Variants in MYO18B observed in about 807,000 individuals in gnomAD.
MYO18B encodes myosin XVIIIB.
A neutral mutation model predicts 273.0 loss-of-function variants in MYO18B; 204 were observed. The ratio of observed to expected loss-of-function variants is 0.75; its 90% CI spans 0.67 to 0.84. The LOEUF (loss-of-function observed/expected upper bound fraction) is 0.84, where lower values mean the gene tolerates loss of function less well. MYO18B is among the 40% of genes least tolerant of loss of function. MYO18B has a pLI of 0.00. For missense variants in MYO18B, 3,212 were observed against 3,287.6 expected, an observed-to-expected ratio of 0.98 and a Z score of 0.56; for synonymous variants, 1,330 against 1,305.7, an observed-to-expected ratio of 1.02 and a Z score of -0.40.
At chr22:25,875,387 G>A (rs2091162298) in intron 23 of MYO18B, among the ~76,000 whole-genome samples, 1 of 152,256 alleles carries the variant, frequency 6.6e-6, no homozygotes, top group African/African-American at 2.4e-5. Context: ...TGTGTGAGAT[G>A]CTCAGGGCAG....
intron 21 of MYO18B, among the ~76,000 whole-genome samples, chr22:25,854,971 G>T (rs543260535): frequency 6.6e-6 from 1 of 152,164 alleles, no homozygotes; most frequent in African/African-American, 2.4e-5. Flanking sequence ...AAGTTCGGGG[G>T]TACACATGCA....
rs1180910052 is a variant in MYO18B at position 25,780,121 on chromosome 22, C to T, written c.2134C>T (p.Arg712Cys). The T allele has an allele frequency of 6.9e-6, 11 of 1,603,814 alleles. No individual in the cohort carries two copies. The highest frequency in any genetic ancestry group is 1.3e-5 in the African/African-American group (1 of 74,740). Residue 712 changes from arginine (R) to cysteine (C), a missense_variant, in exon 9 of 44, where the codon CGC becomes TGC. Coordinates refer to ENST00000335473, the MANE Select transcript of MYO18B (RefSeq NM_032608.7). ...CGGCTCTGTGTCCATGGCCCACAGC[C>T]GCAGTGCCACCCGGTTCTCCATGGT... ...AFGSVSMAHS[R>C]SATRFSMVMS...
intron 2 of MYO18B, among the ~76,000 whole-genome samples, chr22:25,762,314 G>T (rs1020504132): frequency 6.6e-6 from 1 of 152,206 alleles, no homozygotes; most frequent in African/African-American, 2.4e-5. Flanking sequence ...TCCCTTATCA[G>T]TTGGGCTACA....
Position 25,883,110 on chromosome 22 carries a change from G to A in MYO18B, c.4314+5062G>A, listed in dbSNP as rs763315894. 2.0e-5 allele frequency among the ~76,000 whole-genome samples: 3 copies of A among 152,024 alleles called. No homozygotes were observed. Among genetic ancestry groups the A allele is most frequent in the Non-Finnish European group, 4.4e-5 (3 of 67,992 alleles). Reference sequence around the variant, plus strand: ...ATGGGGGTCTCACTTTGTTGCCCAGGTTGGTCTCCAATTCCTGGGCTCAAG... The same window carrying A: ...ATGGGGGTCTCACTTTGTTGCCCAGATTGGTCTCCAATTCCTGGGCTCAAG... On this transcript the variant is annotated intron_variant, in intron 25 of 43. Coordinates refer to ENST00000335473, the MANE Select transcript of MYO18B (RefSeq NM_032608.7). This position sits in a 1 kb window ranked among gnomAD's most constrained non-coding sequence, Gnocchi z 7.6.
chr22:25,868,515 A>G lies in MYO18B; in HGVS notation c.3951+130A>G, dbSNP rs553503534. The stretch of plus-strand genomic sequence containing the variant: ...TTTTTCCCAAACTGAAGGTAGAGCT[A>G]ATGATTTTCTGCCCTGCCTATCTTA... On this transcript the variant is annotated intron_variant, in intron 22 of 43. Transcript: ENST00000335473. 5 of 734,998 alleles carry G rather than the reference A, an allele frequency of 6.8e-6. No individual in the cohort carries two copies. The East Asian group carries it at 1.4e-4, about 20-fold the overall frequency. 45.5% of individuals were successfully genotyped at this position (734,998 alleles called of 1,614,324 possible). A position where few individuals can be genotyped will look rare whatever the true frequency, so the allele number is the denominator to read the frequency against.
Position 25,771,780 on chromosome 22 carries a change from G to A in MYO18B, c.1693-554G>A, listed in dbSNP as rs943093701. Among the ~76,000 whole-genome samples the A allele has an allele frequency of 3.3e-5, 5 of 152,332 alleles. No homozygotes were observed. In the South Asian group the frequency reaches 6.2e-4, roughly 19 times the overall value. ...CTGAAGCTGGAGAGAATAATAGGAC[G>A]CCTCTTAGAACAGATGTTTTAAGAA... On this transcript the variant is annotated intron_variant, in intron 6 of 43. Transcript: ENST00000335473.
the MYO18B span, among the ~76,000 whole-genome samples, chr22:26,037,283 T>C: frequency 6.6e-6 from 1 of 152,076 alleles, no homozygotes; most frequent in Non-Finnish European, 1.5e-5. Context: ...TCTTCTCGAG[T>C]AATAAGGGGT....
intron 2 of MYO18B, among the ~76,000 whole-genome samples, chr22:25,762,575 G>T (rs914363824): frequency 1.3e-5 from 2 of 152,228 alleles, no homozygotes; most frequent in Non-Finnish European, 2.9e-5. Flanking sequence ...CCGTATTTCT[G>T]GGGGGTAAAA....
intron 34 of MYO18B, among the ~76,000 whole-genome samples, chr22:25,942,258 G>C (rs187995944): frequency 6.6e-6 from 1 of 152,300 alleles, no homozygotes; most frequent in East Asian, 1.9e-4. Flanking sequence ...TGGTAACGTT[G>C]GTTTCCTTCC....
chr22:25,817,355 T>TTCTC (rs937913858), intron 12 of MYO18B, among the ~76,000 whole-genome samples: 1 of 149,862 alleles, frequency 6.7e-6, no homozygotes, highest in Admixed American at 6.7e-5. Flanking sequence ...CTTTCTTTCT[T>TTCTC]TCTCTCTCTC....
intron 11 of MYO18B, 121 bp from the exon 12 acceptor site, chr22:25,797,832 T>G (rs1226129348): frequency 2.1e-6 from 3 of 1,403,442 alleles, no homozygotes; most frequent in Non-Finnish European, 3.0e-6. Flanking sequence ...TTGTGGGTAA[T>G]TTATTGTGGC....
In MYO18B at chr22:25,742,638, C is replaced by T. The variant is rs527306244; in HGVS notation, c.-110+345C>T. On this transcript the variant is annotated intron_variant, in intron 1 of 43. Coordinates refer to ENST00000335473, the MANE Select transcript of MYO18B (RefSeq NM_032608.7). The stretch of plus-strand genomic sequence containing the variant: ...TCCACTGTGAATCTTTGCCCGCAGA[C>T]GTCAGGGTTTATATTTTTCCTCAAC... Among the ~76,000 whole-genome samples the T allele has an allele frequency of 1.6e-4, 24 of 152,282 alleles. No homozygotes were observed. In the South Asian group the frequency reaches 4.4e-3, roughly 28 times the overall value.
At position 25,891,337 on chromosome 22, in the gene MYO18B, G is replaced by A. The variant is rs1398689543; in HGVS notation, c.4468G>A (p.Asp1490Asn). ...TGAACAAGTCCAGAAAAAACTGGGA[G>A]ATGTGAATAAACAGTTGGAAGAAGC... is the stretch of plus-strand genomic sequence containing the variant. ...KHEQVQKKLG[D>N]VNKQLEEAQQ... The change falls in exon 27 of 44, where the codon GAT becomes AAT. Residue 1490 changes from aspartate to asparagine, a missense_variant. Coordinates refer to ENST00000335473, the MANE Select transcript of MYO18B (RefSeq NM_032608.7). 1.3e-6 allele frequency: 2 copies of A among 1,581,038 alleles called. No homozygotes were observed. The highest frequency in any genetic ancestry group is 2.7e-5 in the African/African-American group (2 of 74,212).
At chr22:25,849,397 TTCACAC>T (rs1255562575) in intron 20 of MYO18B, among the ~76,000 whole-genome samples, 2 of 152,192 alleles carry the variant, frequency 1.3e-5, no homozygotes, top group African/African-American at 4.8e-5. Context: ...GTTTGTCTCT[TTCACAC>T]TCACATGAGA....
intron 40 of MYO18B, 88 bp from the exon 41 acceptor site, chr22:26,003,175 TCA>T: frequency 8.4e-7 from 1 of 1,193,390 alleles, no homozygotes; most frequent in Middle Eastern, 2.0e-4. Flanking sequence ...GAAGTGGGAT[TCA>T]CACTCATGTC....
At chr22:25,751,461 G>A (rs1049721670) in intron 1 of MYO18B, among the ~76,000 whole-genome samples, 4 of 152,176 alleles carry the variant, frequency 2.6e-5, no homozygotes, top group African/African-American at 7.2e-5. Flanking sequence ...TTGCCACCAC[G>A]ACATAGGGCA....
chr22:26,004,332 T>C (rs964031518), intron 41 of MYO18B, among the ~76,000 whole-genome samples: 5 of 152,188 alleles, frequency 3.3e-5, no homozygotes, highest in Non-Finnish European at 5.9e-5. Flanking sequence ...CTTGATATAT[T>C]CCTTGAACAC....
At chr22:25,790,253 C>T (rs2087603685) in intron 11 of MYO18B, among the ~76,000 whole-genome samples, 1 of 152,252 alleles carries the variant, frequency 6.6e-6, no homozygotes, top group African/African-American at 2.4e-5. Flanking sequence ...TGTCCATTTA[C>T]ATGGTTTTAT....
intron 17 of MYO18B, among the ~76,000 whole-genome samples, chr22:25,840,359 A>G (rs1394641295): frequency 6.6e-6 from 1 of 152,222 alleles, no homozygotes; most frequent in African/African-American, 2.4e-5. Context: ...CTTCCGCCAC[A>G]TTCCAGCCCA....
Sources: gnomAD v4.1 joint callset for allele counts (sites outside exome capture counted in the v4.1 genomes callset) on GRCh38, gnomAD v4.1.1 for gene constraint, Gnocchi (gnomAD v3.1) non-coding constraint, MANE v1.5 for transcripts, NCBI Gene and HGNC (gene_info 2026-07-23, HGNC 2026-07-21) for gene names.